Variants in CA5A observed in about 807,000 individuals in gnomAD.
CA5A encodes carbonic anhydrase 5A, mitochondrial.
Under a neutral mutation model 37.1 loss-of-function variants are expected in CA5A, and 28 were observed. That is an observed-to-expected ratio of 0.75 (90% CI 0.56 to 1.03). The LOEUF (loss-of-function observed/expected upper bound fraction) is 1.03. Ranked by LOEUF, CA5A falls within the 50% of genes least tolerant of loss-of-function variation. The pLI is 0.00. For synonymous variants in CA5A, 171 were observed against 158.4 expected, an observed-to-expected ratio of 1.08 and a Z score of -0.60; for missense variants, 444 against 399.9, an observed-to-expected ratio of 1.11 and a Z score of -0.94.
chr16:87,910,753 T>C (rs1368252351), intron 2 of CA5A, among the ~76,000 whole-genome samples: 1 of 151,922 alleles, frequency 6.6e-6, no homozygotes, highest in African/African-American at 2.4e-5. Flanking sequence ...AATTTTTGTT[T>C]TTGTTTTTGT....
At chr16:87,934,017 G>C (rs551014761) in intron 1 of CA5A, among the ~76,000 whole-genome samples, 82 of 152,326 alleles carry the variant, frequency 5.4e-4, no homozygotes, top group African/African-American at 1.9e-3. Flanking sequence ...AAGAGGACAT[G>C]TTGCCACAGT....
intron 4 of CA5A, chr16:87,882,379 G>A (rs2055615141): frequency 6.6e-6 from 1 of 152,248 alleles, no homozygotes; most frequent in African/African-American, 2.4e-5. Flanking sequence ...GAGAAGGCAA[G>A]AGTGAAATGC....
At chr16:87,903,851 T>TC (rs1417936343) in intron 3 of CA5A, among the ~76,000 whole-genome samples, 1 of 152,172 alleles carries the variant, frequency 6.6e-6, no homozygotes, top group Admixed American at 6.5e-5. Context: ...GACTGAGACA[T>TC]CAAACTCGTA....
intron 1 of CA5A, among the ~76,000 whole-genome samples, chr16:87,931,955 CTG>C (rs1260367767): frequency 7.3e-6 from 1 of 137,090 alleles, no homozygotes; most frequent in East Asian, 2.7e-4. Context: ...AAGAGCCTCT[CTG>C]AGGCTGGGCG....
intron 1 of CA5A, among the ~76,000 whole-genome samples, chr16:87,929,168 C>T (rs183131492): frequency 3.3e-5 from 5 of 149,966 alleles, no homozygotes; most frequent in Admixed American, 3.3e-4. Flanking sequence ...ATGTATAGCC[C>T]TGGCTGGGCG....
intron 2 of CA5A, among the ~76,000 whole-genome samples, chr16:87,914,785 G>C (rs982963002): frequency 1.3e-5 from 2 of 152,254 alleles, no homozygotes; most frequent in African/African-American, 4.8e-5. Flanking sequence ...GGGAGGGGCT[G>C]GCATGGAGTC....
intron 6 of CA5A, among the ~76,000 whole-genome samples, chr16:87,889,971 G>A (rs1047347925): frequency 3.3e-5 from 5 of 152,164 alleles, no homozygotes; most frequent in African/African-American, 1.2e-4. Flanking sequence ...TTGCGCGCAT[G>A]GTGCACGTGG....
chr16:87,913,259 G>A (rs141846124), intron 2 of CA5A, among the ~76,000 whole-genome samples: 2,443 of 150,838 alleles, frequency 0.016, 58 homozygotes, highest in African/African-American at 0.057. Flanking sequence ...GATTACAGGC[G>A]TGAGCCACCA....
At chr16:87,910,975 C>G (rs142759227) in intron 2 of CA5A, among the ~76,000 whole-genome samples, 357 of 152,058 alleles carry the variant, frequency 2.3e-3, no homozygotes, top group African/African-American at 8.3e-3. Flanking sequence ...GTCTTGAACT[C>G]TTGACCTCAA....
In CA5A at chr16:87,891,764, G is replaced by A. The variant is rs113816844; in HGVS notation, c.774+35C>T. On this transcript the variant is annotated intron_variant, in intron 6 of 6. Transcript: ENST00000649794. ...GCCAAGCAAGAGGGACGCCTTCCAT[G>A]AAGCGCCATCGTGCCAGTTACGGGC... 1.9e-3 allele frequency: 2,781 copies of A among 1,455,858 alleles called. 49 individuals are homozygous for A. In the African/African-American group the frequency reaches 0.038, roughly 20 times the overall value. 90.2% of individuals were successfully genotyped at this position (1,455,858 alleles called of 1,614,324 possible).
In CA5A at chr16:87,889,349, C is replaced by T. The variant is rs141399496; in HGVS notation, c.775-1077G>A. ...GATTACAGGCATGAGCTACTGCACC[C>T]GGCTCAAATGATTGTTTTCTAAAGC... On this transcript the variant is annotated intron_variant, in intron 6 of 6. Coordinates refer to ENST00000649794, the MANE Select transcript of CA5A (RefSeq NM_001739.2). Among the ~76,000 whole-genome samples the T allele has an allele frequency of 5.1e-3, 773 of 152,250 alleles. 9 individuals are homozygous for T. Among genetic ancestry groups the T allele is most frequent in the African/African-American group, 0.018 (739 of 41,554 alleles).
In CA5A at chr16:87,902,483, T is replaced by C. The variant is rs369629290; in HGVS notation, c.497A>G (p.Asn166Ser). 2.0e-5 allele frequency: 33 copies of C among 1,611,624 alleles called. No individual in the cohort carries two copies. The East Asian group carries it at 4.0e-4, about 20-fold the overall frequency. ...LVHWNSVKYQ[N>S]YKEAVVGENG... The stretch of plus-strand genomic sequence containing the variant: ...CTCTCCCACGACAGCTTCCTTGTAA[T>C]TTTGGTATTTCACAGAATTCCAGTG... Residue 166 changes from asparagine (N) to serine (S), a missense_variant, in exon 4 of 7, where the codon AAT becomes AGT. Transcript: ENST00000649794.
At chr16:87,926,221 TATAAA>T (rs111594497) in intron 2 of CA5A, among the ~76,000 whole-genome samples, 3,304 of 150,586 alleles carry the variant, frequency 0.022, 123 homozygotes, top group African/African-American at 0.076. Context: ...TCTGTCTCAA[TATAAA>T]ATAAAATAAA....
intron 5 of CA5A, among the ~76,000 whole-genome samples, chr16:87,899,081 G>C (rs1430595092): frequency 1.3e-5 from 2 of 151,996 alleles, no homozygotes; most frequent in African/African-American, 4.8e-5. Context: ...GGAAGCTGAG[G>C]CTCAGAGGTG....
At chr16:87,926,209 ACT>A (rs1428867144) in intron 2 of CA5A, among the ~76,000 whole-genome samples, 4 of 151,342 alleles carry the variant, frequency 2.6e-5, no homozygotes, top group Non-Finnish European at 2.9e-5. Flanking sequence ...ACAGAGCAAG[ACT>A]CTGTCTCAAT....
intron 2 of CA5A, among the ~76,000 whole-genome samples, chr16:87,914,343 G>C (rs974568160): frequency 6.6e-6 from 1 of 152,306 alleles, no homozygotes; most frequent in Non-Finnish European, 1.5e-5. Flanking sequence ...ATTAAGTGCA[G>C]CTTTTCGTCA....
At chr16:87,930,410 G>A (rs2056385648) in intron 1 of CA5A, among the ~76,000 whole-genome samples, 1 of 152,128 alleles carries the variant, frequency 6.6e-6, no homozygotes, top group Non-Finnish European at 1.5e-5. Context: ...TGGTGTCCAG[G>A]TCTCCAGAGT....
intron 1 of CA5A, among the ~76,000 whole-genome samples, chr16:87,928,756 C>CTTTTT (rs2056351904): frequency 7.4e-5 from 8 of 108,126 alleles, no homozygotes; most frequent in African/African-American, 2.1e-4. Flanking sequence ...ATTTTCTTTT[C>CTTTTT]TTTGTTTTTT....
At chr16:87,910,495 G>A (rs1440885618) in intron 2 of CA5A, among the ~76,000 whole-genome samples, 1 of 152,152 alleles carries the variant, frequency 6.6e-6, no homozygotes, top group Non-Finnish European at 1.5e-5. Flanking sequence ...TTGTAGTAGG[G>A]TTCAGGCCAA....
Sources: gnomAD v4.1 joint callset for allele counts (sites outside exome capture counted in the v4.1 genomes callset) on GRCh38, gnomAD v4.1.1 for gene constraint, MANE v1.5 for transcripts, NCBI Gene and HGNC (gene_info 2026-07-23, HGNC 2026-07-21) for gene names.